The following RSRC1 variants were observed in gnomAD, a reference collection of about 807,000 sequenced individuals.
RSRC1 encodes the protein serine/Arginine-related protein 53.
Under a neutral mutation model 49.1 loss-of-function variants are expected in RSRC1, and 39 were observed. The observed-to-expected ratio is 0.79, with a 90% CI of 0.61 to 1.04. RSRC1 has a LOEUF of 1.04. RSRC1 is among the 50% of genes least tolerant of loss of function. The probability of loss-of-function intolerance (pLI) is 0.00; values close to 1 mark genes in which losing one functional copy is unlikely to be tolerated. For missense variants in RSRC1, 388 were observed against 402.4 expected (o/e 0.96, Z 0.31); for synonymous variants, 143 against 130.8 (o/e 1.09, Z -0.63).
chr3:158,226,229 G>A (rs1722525555), intron 4 of RSRC1, among the ~76,000 whole-genome samples: 1 of 151,858 alleles, frequency 6.6e-6, no homozygotes, highest in Non-Finnish European at 1.5e-5. Context: ...TGTTGGTGGG[G>A]CAACTCTGAC....
intron 3 of RSRC1, among the ~76,000 whole-genome samples, chr3:158,187,702 G>A (rs187025556): frequency 9.9e-4 from 151 of 152,078 alleles, no homozygotes; most frequent in African/African-American, 3.4e-3. Context: ...CTCTAAGACA[G>A]ATGAGGGTCA....
chr3:158,389,656 C>G (rs1265078961), intron 6 of RSRC1, among the ~76,000 whole-genome samples: 1 of 152,092 alleles, frequency 6.6e-6, no homozygotes. Flanking sequence ...TAGGCGAGTT[C>G]TGGAAAATTT....
chr3:158,287,049 A>G (rs771138862), intron 4 of RSRC1, among the ~76,000 whole-genome samples: 1 of 152,154 alleles, frequency 6.6e-6, no homozygotes, highest in Non-Finnish European at 1.5e-5. Context: ...GATGGTCTCC[A>G]TCTCCTGACC....
intron 4 of RSRC1, among the ~76,000 whole-genome samples, chr3:158,207,548 G>T (rs1333012932): frequency 6.6e-6 from 1 of 152,116 alleles, no homozygotes; most frequent in Non-Finnish European, 1.5e-5. Flanking sequence ...TTGTGATTGT[G>T]CAGTGCATGA....
chr3:158,213,383 A>G (rs1418803334), intron 4 of RSRC1, among the ~76,000 whole-genome samples: 1 of 151,912 alleles, frequency 6.6e-6, no homozygotes. Flanking sequence ...AAAATCTCCA[A>G]ATGGTATCAT....
At chr3:158,438,839 A>C (rs1212899993) in intron 6 of RSRC1, among the ~76,000 whole-genome samples, 1 of 151,334 alleles carries the variant, frequency 6.6e-6, no homozygotes, top group African/African-American at 2.4e-5. Context: ...TAAACTAAAG[A>C]GCTTCTGCAC....
intron 3 of RSRC1, among the ~76,000 whole-genome samples, chr3:158,201,874 A>G (rs770256524): frequency 9.2e-5 from 14 of 152,122 alleles, no homozygotes; most frequent in Non-Finnish European, 2.1e-4. Flanking sequence ...GTTTCTTCAT[A>G]TATCTAGGAA....
chr3:158,424,262 T>C (rs1346198735), intron 6 of RSRC1, among the ~76,000 whole-genome samples: 2 of 151,914 alleles, frequency 1.3e-5, no homozygotes, highest in Non-Finnish European at 2.9e-5. Flanking sequence ...CATCAATACC[T>C]AATTTATTGA....
chr3:158,224,945 A>G (rs1722439691), intron 4 of RSRC1, among the ~76,000 whole-genome samples: 1 of 151,922 alleles, frequency 6.6e-6, no homozygotes, highest in South Asian at 2.1e-4. Context: ...CTTTCTGGCT[A>G]AGTAAATGCC....
intron 6 of RSRC1, among the ~76,000 whole-genome samples, chr3:158,436,390 A>G (rs777688341): frequency 2.6e-5 from 4 of 152,006 alleles, no homozygotes; most frequent in Non-Finnish European, 5.9e-5. Flanking sequence ...GTTGTGACAC[A>G]GCATCTCCAG....
Position 158,399,123 on chromosome 3 carries a change from C to CTTTTTTT in RSRC1, c.583+44258_583+44264dup, listed in dbSNP as rs1161504489. On this transcript the variant is annotated intron_variant, in intron 6 of 9. Transcript: ENST00000611884. ...GTCTTATAAGAAATACTATTATTTC[C>CTTTTTTT]TTTTTTTTTTTTTTTTTTTTTTTTT... is the stretch of plus-strand genomic sequence containing the variant. Among the ~76,000 whole-genome samples, 30 of 30,108 alleles carry CTTTTTTT rather than the reference C, an allele frequency of 1.0e-3. 11 individuals carry two copies. Among genetic ancestry groups the CTTTTTTT allele is most frequent in the Non-Finnish European group, 1.4e-3 (21 of 14,908 alleles). 19.8% of individuals were successfully genotyped at this position (30,108 alleles called of 152,430 possible). A position where few individuals can be genotyped will look rare whatever the true frequency, so the allele number is the denominator to read the frequency against.
chr3:158,156,062 A>T (rs1311148088), intron 3 of RSRC1, among the ~76,000 whole-genome samples: 2 of 152,138 alleles, frequency 1.3e-5, no homozygotes, highest in Non-Finnish European at 2.9e-5. Flanking sequence ...CTTCCTATGG[A>T]GGCTGTTTTG....
chr3:158,279,504 C>T (rs923133167), intron 4 of RSRC1, among the ~76,000 whole-genome samples: 3 of 152,160 alleles, frequency 2.0e-5, no homozygotes, highest in African/African-American at 7.2e-5. Context: ...TTTACTGATC[C>T]CTGATTTGTA....
intron 6 of RSRC1, among the ~76,000 whole-genome samples, chr3:158,457,528 T>C (rs1308841851): frequency 6.6e-6 from 1 of 152,088 alleles, no homozygotes; most frequent in Non-Finnish European, 1.5e-5. Context: ...AGAGGGACCA[T>C]AGATAGGTAT....
At chr3:158,305,149 G>A (rs1257936949) in intron 5 of RSRC1, among the ~76,000 whole-genome samples, 1 of 151,884 alleles carries the variant, frequency 6.6e-6, no homozygotes, top group Non-Finnish European at 1.5e-5. Flanking sequence ...GCCCTTCTCT[G>A]CCCTTCCCCA....
intron 3 of RSRC1, among the ~76,000 whole-genome samples, chr3:158,135,775 C>G (rs566786984): frequency 4.6e-5 from 7 of 152,290 alleles, no homozygotes; most frequent in Admixed American, 4.6e-4. Flanking sequence ...TTTTCAATCA[C>G]ATCTTTCCAA....
intron 4 of RSRC1, among the ~76,000 whole-genome samples, chr3:158,255,540 A>C (rs1015963569): frequency 1.2e-4 from 18 of 152,204 alleles, no homozygotes; most frequent in Middle Eastern, 3.4e-3. Context: ...ATTGACTTGG[A>C]GATGCGGGCT....
intron 6 of RSRC1, among the ~76,000 whole-genome samples, chr3:158,384,472 A>G (rs1288753953): frequency 6.6e-6 from 1 of 152,128 alleles, no homozygotes; most frequent in Non-Finnish European, 1.5e-5. Flanking sequence ...TGATGGCAGC[A>G]GGAATAGCAT....
intron 7 of RSRC1, among the ~76,000 whole-genome samples, chr3:158,530,352 T>C (rs1712311158): frequency 6.6e-6 from 1 of 151,856 alleles, no homozygotes; most frequent in South Asian, 2.1e-4. Flanking sequence ...TTCACATCAT[T>C]TTTGCCTTCT....
Sources: gnomAD v4.1 joint callset for allele counts (sites outside exome capture counted in the v4.1 genomes callset) on GRCh38, gnomAD v4.1.1 for gene constraint, MANE v1.5 for transcripts, NCBI Gene and HGNC (gene_info 2026-07-23, HGNC 2026-07-21) for gene names.